The following PHEX variants were observed in gnomAD, a reference collection of about 807,000 sequenced individuals.
PHEX encodes phosphate-regulating neutral endopeptidase PHEX.
Under a neutral mutation model 68.0 loss-of-function variants are expected in PHEX, and 16 were observed. The observed-to-expected ratio is 0.24, with a 90% CI of 0.16 to 0.36. The LOEUF is 0.36. Ranked by LOEUF, PHEX falls within the 10% of genes least tolerant of loss-of-function variation. The pLI is 1.00. For synonymous variants in PHEX, 208 were observed against 205.1 expected (o/e 1.01, Z -0.12); for missense variants, 480 against 575.5 (o/e 0.83, Z 1.70).
intron 20 of PHEX, among the ~76,000 whole-genome samples, chrX:22,230,125 A>G (rs1454501900): frequency 1.8e-5 from 2 of 108,649 alleles, no homozygotes; most frequent in Non-Finnish European, 3.8e-5. Flanking sequence ...TACCAGCACC[A>G]TGCTGTTTTG....
At chrX:22,139,724 G>A (rs1288684038) in intron 12 of PHEX, among the ~76,000 whole-genome samples, 2 of 102,999 alleles carry the variant, frequency 1.9e-5, no homozygotes, top group Non-Finnish European at 3.9e-5. Context: ...TTTTTTGGTA[G>A]AGATGGGATC....
At chrX:22,159,385 C>T (rs1042942952) in intron 12 of PHEX, among the ~76,000 whole-genome samples, 1 of 112,203 alleles carries the variant, frequency 8.9e-6, no homozygotes, top group Admixed American at 9.4e-5. Flanking sequence ...ATGGCTCATG[C>T]CTGGAACCCC....
chrX:22,206,754 G>A (rs1355080824), intron 15 of PHEX, among the ~76,000 whole-genome samples: 1 of 111,472 alleles, frequency 9.0e-6, no homozygotes, highest in African/African-American at 3.3e-5. Context: ...TCTATACAGT[G>A]TGAATTTGCT....
intron 12 of PHEX, among the ~76,000 whole-genome samples, chrX:22,139,416 T>C (rs1451971347): frequency 8.9e-6 from 1 of 112,179 alleles, no homozygotes; most frequent in Admixed American, 9.5e-5. Flanking sequence ...AGTATTGTCG[T>C]TGTGATATAT....
intron 20 of PHEX, among the ~76,000 whole-genome samples, chrX:22,235,935 T>G (rs1482452392): frequency 9.0e-6 from 1 of 111,143 alleles, no homozygotes. Context: ...GCCTACCACA[T>G]TGAAGCCAAA....
intron 4 of PHEX, among the ~76,000 whole-genome samples, chrX:22,077,008 G>C (rs1433626742): frequency 8.9e-6 from 1 of 112,383 alleles, no homozygotes; most frequent in Non-Finnish European, 1.9e-5. Flanking sequence ...GCCAGTGCCT[G>C]TGGGAAGTGT....
intron 3 of PHEX, among the ~76,000 whole-genome samples, chrX:22,074,851 G>A (rs1410874738): frequency 9.0e-6 from 1 of 111,429 alleles, no homozygotes; most frequent in Admixed American, 9.6e-5. Context: ...CAAGGCAGGT[G>A]GATCACCTGA....
At chrX:22,050,632 A>G (rs1184901690) in intron 3 of PHEX, among the ~76,000 whole-genome samples, 1 of 109,444 alleles carries the variant, frequency 9.1e-6, no homozygotes, top group African/African-American at 3.3e-5. Context: ...TAATGGGTGT[A>G]ATTTTCTTAT....
At chrX:22,100,136 T>A (rs1294719857) in intron 9 of PHEX, among the ~76,000 whole-genome samples, 1 of 112,333 alleles carries the variant, frequency 8.9e-6, no homozygotes, top group Non-Finnish European at 1.9e-5. Flanking sequence ...GAAAATGTTC[T>A]AAATGGAAAT....
At chrX:22,207,095 T>A (rs1314983372) in intron 15 of PHEX, among the ~76,000 whole-genome samples, 1 of 112,076 alleles carries the variant, frequency 8.9e-6, no homozygotes, top group African/African-American at 3.2e-5. Context: ...TCCAACTAGG[T>A]TACTCCATAT....
intron 21 of PHEX, 59 bp downstream of exon 21, chrX:22,245,468 C>T: frequency 1.3e-6 from 1 of 784,652 alleles, no homozygotes; most frequent in East Asian, 3.1e-5. Context: ...CTTCCTCCCC[C>T]ACCCAGCCAT....
chrX:22,158,633 TTAATA>T (rs1295776298), intron 12 of PHEX, among the ~76,000 whole-genome samples: 1 of 112,050 alleles, frequency 8.9e-6, no homozygotes, highest in East Asian at 2.8e-4. Context: ...GTAGATCAGC[TTAATA>T]GTAAGTGGCT....
intron 14 of PHEX, among the ~76,000 whole-genome samples, chrX:22,183,400 C>T (rs1933938864): frequency 8.9e-6 from 1 of 111,783 alleles, no homozygotes; most frequent in Non-Finnish European, 1.9e-5. Context: ...CTAACCCTGA[C>T]TCCAGTCAAA....
chrX:22,161,380 C>G (rs1387006350), intron 12 of PHEX, among the ~76,000 whole-genome samples: 2 of 112,160 alleles, frequency 1.8e-5, no homozygotes, highest in Non-Finnish European at 3.8e-5. Flanking sequence ...GAGCCGAGAT[C>G]GTGCTACTGC....
chrX:22,217,308 T>C (rs1366608431), intron 16 of PHEX, among the ~76,000 whole-genome samples: 1 of 112,529 alleles, frequency 8.9e-6, no homozygotes, highest in African/African-American at 3.2e-5. Flanking sequence ...CTTACTTCTT[T>C]AATGAAGGTT....
chrX:22,239,700 T>G (rs1461454990), intron 20 of PHEX, among the ~76,000 whole-genome samples: 2 of 110,349 alleles, frequency 1.8e-5, no homozygotes, highest in African/African-American at 6.6e-5. Flanking sequence ...AAAAAAGAGT[T>G]AAAAGAAATG....
In PHEX at chrX:22,184,539, G is replaced by A. The variant is rs1340233846; in HGVS notation, c.1587-5905G>A. Among the ~76,000 whole-genome samples the A allele has an allele frequency of 2.7e-5, 3 of 112,102 alleles. No individual in the cohort carries two copies. The Admixed American group carries it at 2.8e-4, about 11-fold the overall frequency. The stretch of plus-strand genomic sequence containing the variant: ...TTTTAGCTGCACTAATGTGCATTAA[G>A]AAGTTTCTAAGGCGATGGGAAATGT... On this transcript the variant is annotated intron_variant, in intron 14 of 21. Coordinates refer to ENST00000379374, the MANE Select transcript of PHEX (RefSeq NM_000444.6).
At chrX:22,092,890 C>T (rs911079449) in intron 6 of PHEX, among the ~76,000 whole-genome samples, 1 of 107,868 alleles carries the variant, frequency 9.3e-6, no homozygotes, top group Non-Finnish European at 1.9e-5. Context: ...GCTGAGACTA[C>T]AGGCGTGCGC....
chrX:22,184,899 G>A (rs1288353797), intron 14 of PHEX, among the ~76,000 whole-genome samples: 3 of 112,279 alleles, frequency 2.7e-5, no homozygotes, highest in African/African-American at 9.7e-5. Context: ...CATGGAATGT[G>A]AGTGATATAA....
Sources: allele counts gnomAD v4.1 joint callset (sites outside exome capture counted in the v4.1 genomes callset), GRCh38; gene constraint gnomAD v4.1.1; transcripts MANE v1.5; gene names NCBI Gene and HGNC (gene_info 2026-07-23, HGNC 2026-07-21).